Variants in CADPS2 observed in about 807,000 individuals in gnomAD.
CADPS2 encodes calcium dependent secretion activator 2.
Under a neutral mutation model 172.5 loss-of-function variants are expected in CADPS2, and 93 were observed. That is an observed-to-expected ratio of 0.54 (90% CI 0.46 to 0.64). The LOEUF (loss-of-function observed/expected upper bound fraction) is 0.64, where lower values mean the gene tolerates loss of function less well. Among genes scored for constraint, CADPS2 ranks in the 30% least tolerant of loss-of-function variants. CADPS2 has a pLI of 0.00. For missense variants in CADPS2, 1,420 were observed against 1,565.9 expected (o/e 0.91, Z 1.57); for synonymous variants, 546 against 555.2 (o/e 0.98, Z 0.23).
At chr7:122,833,921 A>G (rs1005163272) in intron 1 of CADPS2, among the ~76,000 whole-genome samples, 1 of 152,192 alleles carries the variant, frequency 6.6e-6, no homozygotes, top group Admixed American at 6.5e-5. Flanking sequence ...AACAATTGCT[A>G]TAAGAATTCA....
chr7:122,801,778 AT>A (rs34202731), intron 1 of CADPS2, among the ~76,000 whole-genome samples: 65,642 of 149,912 alleles, frequency 0.44, 16,707 homozygotes, highest in African/African-American at 0.72. Flanking sequence ...ATTTTTATTT[AT>A]TTTTTTTTTC....
intron 16 of CADPS2, 134 bp from the exon 17 acceptor site, chr7:122,438,598 G>C: frequency 9.7e-7 from 1 of 1,031,108 alleles, no homozygotes; most frequent in Non-Finnish European, 1.4e-6. Flanking sequence ...TATTATTAGG[G>C]AGAGGGGTCC....
chr7:122,492,558 G>A (rs556501355), intron 9 of CADPS2, among the ~76,000 whole-genome samples: 24 of 152,252 alleles, frequency 1.6e-4, no homozygotes, highest in South Asian at 8.3e-4. Flanking sequence ...CAACAGGCAG[G>A]CTCTTTCCAA....
intron 2 of CADPS2, among the ~76,000 whole-genome samples, chr7:122,712,284 G>A (rs1014421747): frequency 6.6e-6 from 1 of 151,970 alleles, no homozygotes; most frequent in African/African-American, 2.4e-5. Flanking sequence ...TTTCTTATTT[G>A]ATTTGATATA....
chr7:122,694,341 C>T (rs1344095242), intron 2 of CADPS2, among the ~76,000 whole-genome samples: 1 of 152,184 alleles, frequency 6.6e-6, no homozygotes, highest in Non-Finnish European at 1.5e-5. Context: ...GAAAAAGATG[C>T]TGTGAGTTGT....
rs17144768 is a variant in CADPS2, at chr7:122,738,350, G to A, written c.340-1282C>T. Among the ~76,000 whole-genome samples the A allele has an allele frequency of 6.7e-3, 1,021 of 152,040 alleles. 15 individuals carry two copies. Among genetic ancestry groups the A allele is most frequent in the African/African-American group, 0.023 (962 of 41,484 alleles). ...AGCCCTGCACAACTGTACACACAGGGGCATGTACTTCACTAGAAATAAGGC... is the reference window on the plus strand; with the variant it reads ...AGCCCTGCACAACTGTACACACAGGAGCATGTACTTCACTAGAAATAAGGC... On this transcript the variant is annotated intron_variant, in intron 1 of 29. Coordinates refer to ENST00000449022, the MANE Select transcript of CADPS2 (RefSeq NM_017954.11).
At chr7:122,535,635 G>A (rs1472408750) in intron 8 of CADPS2, among the ~76,000 whole-genome samples, 4 of 151,960 alleles carry the variant, frequency 2.6e-5, no homozygotes, top group East Asian at 1.9e-4. Flanking sequence ...ACACATTCCT[G>A]TAAGAACTAG....
At chr7:122,868,701 A>C (rs1329591003) in intron 1 of CADPS2, among the ~76,000 whole-genome samples, 2 of 152,218 alleles carry the variant, frequency 1.3e-5, no homozygotes, top group Non-Finnish European at 2.9e-5. Flanking sequence ...TGTTCCAAAT[A>C]AAAGAACAAG....
intron 2 of CADPS2, among the ~76,000 whole-genome samples, chr7:122,712,698 A>C (rs998145338): frequency 6.6e-6 from 1 of 152,144 alleles, no homozygotes; most frequent in Non-Finnish European, 1.5e-5. Context: ...TGGGTAGCTT[A>C]TAAGCAGTAG....
At chr7:122,699,544 C>G (rs781127089) in intron 2 of CADPS2, among the ~76,000 whole-genome samples, 1 of 152,156 alleles carries the variant, frequency 6.6e-6, no homozygotes, top group Non-Finnish European at 1.5e-5. Context: ...AGTCACACTG[C>G]TAATTTTTGA....
chr7:122,754,364 A>T (rs2093071246), intron 1 of CADPS2, among the ~76,000 whole-genome samples: 1 of 152,208 alleles, frequency 6.6e-6, no homozygotes, highest in Admixed American at 6.5e-5. Context: ...AAGTTAGAAA[A>T]ATGTTTGCTT....
At chr7:122,387,223 A>C in intron 23 of CADPS2, 50 bp from the exon 24 acceptor site, 17 of 1,524,670 alleles carry the variant, frequency 1.1e-5, no homozygotes, top group East Asian at 2.4e-5. Context: ...TATACAGCTC[A>C]CCTGTTTTGT....
intron 8 of CADPS2, among the ~76,000 whole-genome samples, chr7:122,541,734 T>C (rs983067433): frequency 6.9e-6 from 1 of 144,610 alleles, no homozygotes; most frequent in African/African-American, 2.6e-5. Flanking sequence ...CATATATATT[T>C]ATTCATATAT....
At chr7:122,348,780 T>C (rs1418993424) in intron 27 of CADPS2, among the ~76,000 whole-genome samples, 1 of 152,162 alleles carries the variant, frequency 6.6e-6, no homozygotes, top group Non-Finnish European at 1.5e-5. Context: ...CATTTACCAA[T>C]TAGAATTGTA....
intron 1 of CADPS2, among the ~76,000 whole-genome samples, chr7:122,832,967 G>A (rs1399664761): frequency 1.3e-5 from 2 of 152,184 alleles, no homozygotes; most frequent in South Asian, 2.1e-4. Context: ...TACATTTCTC[G>A]TCTTTAACTG....
chr7:122,417,588 C>A (rs2048076635), intron 17 of CADPS2, among the ~76,000 whole-genome samples: 1 of 152,160 alleles, frequency 6.6e-6, no homozygotes, highest in African/African-American at 2.4e-5. Flanking sequence ...ATTTCAACAT[C>A]CTCAAAGAAG....
At chr7:122,602,774 CTT>C (rs2072982446) in intron 6 of CADPS2, among the ~76,000 whole-genome samples, 1 of 152,102 alleles carries the variant, frequency 6.6e-6, no homozygotes, top group Admixed American at 6.6e-5. Context: ...TTTAGGAACT[CTT>C]TCAGATTTCC....
chr7:122,720,714 G>C (rs2090291753), intron 2 of CADPS2, among the ~76,000 whole-genome samples: 1 of 151,798 alleles, frequency 6.6e-6, no homozygotes, highest in Non-Finnish European at 1.5e-5. Context: ...TATACCTCCT[G>C]TAATATTCCT....
chr7:122,792,147 C>G (rs531680747), intron 1 of CADPS2, among the ~76,000 whole-genome samples: 1 of 152,314 alleles, frequency 6.6e-6, no homozygotes, highest in East Asian at 1.9e-4. Context: ...CACAGTTATT[C>G]TGCTAACATC....
Sources: gnomAD v4.1 joint callset for allele counts (sites outside exome capture counted in the v4.1 genomes callset) on GRCh38, gnomAD v4.1.1 for gene constraint, MANE v1.5 for transcripts, NCBI Gene and HGNC (gene_info 2026-07-23, HGNC 2026-07-21) for gene names.